Variants in TAMM41 observed in about 807,000 individuals in gnomAD.
TAMM41 encodes phosphatidate cytidylyltransferase, mitochondrial.
Under a neutral mutation model 44.1 loss-of-function variants are expected in TAMM41, and 36 were observed. That is an observed-to-expected ratio of 0.82 (90% CI 0.63 to 1.08). The LOEUF is 1.08. TAMM41 is among the 50% of genes least tolerant of loss of function. The pLI is 0.00. For synonymous variants in TAMM41, 164 were observed against 153.1 expected, an observed-to-expected ratio of 1.07 and a Z score of -0.53; for missense variants, 417 against 404.3, an observed-to-expected ratio of 1.03 and a Z score of -0.27.
intron 3 of TAMM41, among the ~76,000 whole-genome samples, chr3:11,832,453 G>A (rs2079019396): frequency 6.6e-6 from 1 of 152,150 alleles, no homozygotes; most frequent in African/African-American, 2.4e-5. Flanking sequence ...TAAGTTATAT[G>A]CTAATACTAG....
chr3:11,815,822 G>A (rs1240174241), intron 5 of TAMM41, among the ~76,000 whole-genome samples: 1 of 152,160 alleles, frequency 6.6e-6, no homozygotes, highest in Non-Finnish European at 1.5e-5. Context: ...TTTAGAACAT[G>A]GAGGTGAATA....
chr3:11,752,462 C>A, the TAMM41 span, among the ~76,000 whole-genome samples: 2 of 151,932 alleles, frequency 1.3e-5, no homozygotes, highest in Non-Finnish European at 2.9e-5. Flanking sequence ...ATTTTACAAA[C>A]CTCTAGCTAG....
chr3:11,800,274 T>C (rs1370475477), intron 7 of TAMM41, among the ~76,000 whole-genome samples: 1 of 151,914 alleles, frequency 6.6e-6, no homozygotes, highest in Non-Finnish European at 1.5e-5. Flanking sequence ...ATAAAATAAC[T>C]TGAAAATAAC....
chr3:11,775,399 T>C, the TAMM41 span, among the ~76,000 whole-genome samples: 3 of 152,184 alleles, frequency 2.0e-5, no homozygotes, highest in Admixed American at 2.0e-4. Flanking sequence ...TGTGAACAAC[T>C]TACCCCTCGA....
intron 2 of TAMM41, among the ~76,000 whole-genome samples, chr3:11,842,759 T>A (rs531194216): frequency 6.6e-6 from 1 of 151,400 alleles, no homozygotes; most frequent in Non-Finnish European, 1.5e-5. Context: ...TGAGTCAGGA[T>A]CTGCACTGAA....
intron 1 of TAMM41, among the ~76,000 whole-genome samples, chr3:11,844,571 T>C (rs549524929): frequency 4.6e-5 from 7 of 152,200 alleles, no homozygotes; most frequent in Non-Finnish European, 1.0e-4. Context: ...ACACAGAGCT[T>C]GTGAGTGGCA....
chr3:11,842,965 G>A (rs769415655), intron 2 of TAMM41, among the ~76,000 whole-genome samples: 1 of 152,116 alleles, frequency 6.6e-6, no homozygotes, highest in South Asian at 2.1e-4. Flanking sequence ...TGGAGACTGC[G>A]ATGCTTCAGC....
the TAMM41 span, among the ~76,000 whole-genome samples, chr3:11,764,259 G>A: frequency 6.6e-6 from 1 of 152,130 alleles, no homozygotes; most frequent in East Asian, 1.9e-4. Flanking sequence ...GCCTCCCAAA[G>A]TGCTGGGATT....
chr3:11,797,499 G>A lies in TAMM41; in HGVS notation c.938-6918C>T, dbSNP rs140374051. 2.6e-3 allele frequency among the ~76,000 whole-genome samples: 392 copies of A among 152,298 alleles called. 1 individual carries two copies. The highest frequency in any genetic ancestry group is 8.9e-3 in the African/African-American group (369 of 41,574). ...ATACCATATACAAAAATTAAGTCAAGATGGATTAAAGACTTAATTGCAAAG... is the reference window on the plus strand; with the variant it reads ...ATACCATATACAAAAATTAAGTCAAAATGGATTAAAGACTTAATTGCAAAG... On this transcript the variant is annotated intron_variant, in intron 7 of 7. Transcript: ENST00000455809.
the TAMM41 span, among the ~76,000 whole-genome samples, chr3:11,754,052 C>T: frequency 6.6e-6 from 1 of 152,162 alleles, no homozygotes; most frequent in African/African-American, 2.4e-5. Context: ...CTAAGTGCTG[C>T]TGTTCTCCCA....
chr3:11,825,056 T>C (rs1224227379), intron 4 of TAMM41, among the ~76,000 whole-genome samples: 1 of 152,088 alleles, frequency 6.6e-6, no homozygotes, highest in African/African-American at 2.4e-5. Context: ...ACCAAAGACC[T>C]TTCATAGAAC....
chr3:11,760,095 G>C, the TAMM41 span, among the ~76,000 whole-genome samples: 1 of 152,172 alleles, frequency 6.6e-6, no homozygotes, highest in African/African-American at 2.4e-5. Flanking sequence ...ATTCTGGATG[G>C]GCAAGTAGCT....
chr3:11,775,150 G>A, the TAMM41 span, among the ~76,000 whole-genome samples: 2 of 152,160 alleles, frequency 1.3e-5, no homozygotes, highest in African/African-American at 2.4e-5. Flanking sequence ...ACAGGCATGA[G>A]CCACCGCGCC....
chr3:11,733,515 C>T, the TAMM41 span, among the ~76,000 whole-genome samples: 14 of 148,734 alleles, frequency 9.4e-5, no homozygotes, highest in Middle Eastern at 3.4e-3. Context: ...TTTTTTGAGA[C>T]GGAGTCTCGC....
the TAMM41 span, among the ~76,000 whole-genome samples, chr3:11,750,404 G>A: frequency 6.6e-6 from 1 of 151,928 alleles, no homozygotes; most frequent in Non-Finnish European, 1.5e-5. Context: ...GAACTCCTGG[G>A]CTTAAGGGAT....
At position 11,838,528 on chromosome 3, in the gene TAMM41, T is replaced by G. The variant is rs57210608; in HGVS notation, c.411+694A>C. On this transcript the variant is annotated intron_variant, in intron 3 of 7. Coordinates refer to ENST00000455809, the MANE Select transcript of TAMM41 (RefSeq NM_001284401.2). Reference sequence around the variant, plus strand: ...CCACCACACCCAGCCGGGAAGGCACTTTTCTTGCATGTACTTGGTTATTAT... The same window carrying G: ...CCACCACACCCAGCCGGGAAGGCACGTTTCTTGCATGTACTTGGTTATTAT... Among the ~76,000 whole-genome samples the G allele has an allele frequency of 3.5e-3, 527 of 152,268 alleles. 1 individual carries two copies. Among genetic ancestry groups the G allele is most frequent in the Middle Eastern group, 0.024 (7 of 294 alleles).
the TAMM41 span, among the ~76,000 whole-genome samples, chr3:11,772,291 C>T: frequency 4.9e-3 from 743 of 150,418 alleles, 16 homozygotes; most frequent in African/African-American, 8.5e-4. Flanking sequence ...CCGTGTTAGC[C>T]AGGATGGTCT....
At chr3:11,805,626 G>T (rs1055741927) in intron 7 of TAMM41, among the ~76,000 whole-genome samples, 3 of 152,154 alleles carry the variant, frequency 2.0e-5, no homozygotes, top group African/African-American at 7.2e-5. Flanking sequence ...AGGGCCAAAT[G>T]CTCAGAGGAG....
Position 11,807,528 on chromosome 3 carries a change from T to C in TAMM41, c.937+305A>G, listed in dbSNP as rs928443705. The stretch of plus-strand genomic sequence containing the variant: ...ACAGATGCTGCTGTTTTTGCAATCC[T>C]ATGCATCTGTAACTTTGATAAATAA... On this transcript the variant is annotated intron_variant, in intron 7 of 7. Transcript: ENST00000455809. 6 of 1,536,032 alleles carry C rather than the reference T, an allele frequency of 3.9e-6. No individual in the cohort carries two copies. The African/African-American group carries it at 6.8e-5, about 18-fold the overall frequency.
Sources: gnomAD v4.1 joint callset for allele counts (sites outside exome capture counted in the v4.1 genomes callset) on GRCh38, gnomAD v4.1.1 for gene constraint, MANE v1.5 for transcripts, NCBI Gene and HGNC (gene_info 2026-07-23, HGNC 2026-07-21) for gene names.